Variants in SGCD observed in about 807,000 individuals in gnomAD.
The protein encoded by SGCD is sarcoglycan delta, also known as delta-sarcoglycan.
In SGCD, 18 loss-of-function variants were observed where a neutral mutation model predicts 36.6. The observed-to-expected ratio is 0.49, with a 90% CI of 0.34 to 0.73. The LOEUF is 0.73. Ranked by LOEUF, SGCD falls within the 30% of genes least tolerant of loss-of-function variation. The probability of loss-of-function intolerance (pLI) is 0.01; values close to 1 mark genes in which losing one functional copy is unlikely to be tolerated. For synonymous variants in SGCD, 133 were observed against 130.6 expected (o/e 1.02, Z -0.12); for missense variants, 387 against 346.7 (o/e 1.12, Z -0.92).
intron 3 of SGCD, among the ~76,000 whole-genome samples, chr5:156,264,607 A>G (rs1765955203): frequency 6.6e-6 from 1 of 152,140 alleles, no homozygotes; most frequent in African/African-American, 2.4e-5. Flanking sequence ...TACACTAATA[A>G]TACCCATGTA....
intron 3 of SGCD, among the ~76,000 whole-genome samples, chr5:156,214,383 A>G (rs925047299): frequency 2.0e-5 from 3 of 152,054 alleles, no homozygotes; most frequent in African/African-American, 7.2e-5. Context: ...AGAAATACTT[A>G]GGATAAAATT....
chr5:155,832,597 C>T, the SGCD span, among the ~76,000 whole-genome samples: 1 of 152,120 alleles, frequency 6.6e-6, no homozygotes, highest in Non-Finnish European at 1.5e-5. Context: ...GCTTACTTGT[C>T]ACCCTGTGTT....
the SGCD span, among the ~76,000 whole-genome samples, chr5:155,789,883 C>T: frequency 6.6e-6 from 1 of 152,046 alleles, no homozygotes; most frequent in Admixed American, 6.6e-5. Flanking sequence ...AGCTAGGTCC[C>T]TTATTTTTAA....
intron 3 of SGCD, among the ~76,000 whole-genome samples, chr5:156,172,282 T>TCAAAAA (rs980758426): frequency 3.9e-5 from 6 of 152,130 alleles, no homozygotes; most frequent in African/African-American, 9.6e-5. Flanking sequence ...AAACTCCATC[T>TCAAAAA]CAAAAACAAA....
chr5:155,747,986 T>C, the SGCD span, among the ~76,000 whole-genome samples: 1 of 152,226 alleles, frequency 6.6e-6, no homozygotes, highest in Non-Finnish European at 1.5e-5. Context: ...TTTGACCACC[T>C]TAAAATTATT....
At chr5:156,450,545 A>AAAAAGAAAAG (rs60594583) in intron 3 of SGCD, among the ~76,000 whole-genome samples, 1 of 149,434 alleles carries the variant, frequency 6.7e-6, no homozygotes, top group Non-Finnish European at 1.5e-5. Flanking sequence ...TTAAAAAAAA[A>AAAAAGAAAAG]AAAAGAAAAG....
At chr5:156,654,134 G>A (rs1174884504) in intron 7 of SGCD, among the ~76,000 whole-genome samples, 2 of 152,090 alleles carry the variant, frequency 1.3e-5, no homozygotes, top group East Asian at 3.9e-4. Flanking sequence ...AATATGTATA[G>A]CACAAGGGGA....
At chr5:155,904,391 A>G (rs557570851) in intron 1 of SGCD, among the ~76,000 whole-genome samples, 1 of 152,354 alleles carries the variant, frequency 6.6e-6, no homozygotes, top group South Asian at 2.1e-4. Context: ...CCATTTAAAC[A>G]TATATGATCC....
intron 3 of SGCD, among the ~76,000 whole-genome samples, chr5:156,491,166 A>G (rs1011733876): frequency 1.3e-5 from 2 of 152,154 alleles, no homozygotes; most frequent in African/African-American, 2.4e-5. Context: ...AAGAAAAACT[A>G]TAAAACACTG....
chr5:156,514,008 G>C (rs997206678), intron 4 of SGCD, among the ~76,000 whole-genome samples: 4 of 152,106 alleles, frequency 2.6e-5, no homozygotes, highest in Non-Finnish European at 5.9e-5. Flanking sequence ...TAAAGTTAAG[G>C]GATTTAATGC....
In SGCD at chr5:156,083,596, ATT is replaced by A. The variant is rs60479128; in HGVS notation, c.-281-34268_-281-34267del. Among the ~76,000 whole-genome samples, 783 of 135,354 alleles carry A rather than the reference ATT, an allele frequency of 5.8e-3. 6 individuals carry two copies. The highest frequency in any genetic ancestry group is 0.019 in the African/African-American group (740 of 38,218). 88.8% of individuals were successfully genotyped at this position (135,354 alleles called of 152,430 possible). ...AGGTATGAGCCACTGCACCCGGCCC[ATT>A]TTTTTTTTTTTTTCCTTTTATGGCT... On this transcript the variant is annotated intron_variant, in intron 1 of 9. Transcript: ENST00000517913.
intron 3 of SGCD, among the ~76,000 whole-genome samples, chr5:156,288,783 C>G (rs1354428760): frequency 6.6e-6 from 1 of 151,944 alleles, no homozygotes; most frequent in African/African-American, 2.4e-5. Flanking sequence ...TGTTTTGATT[C>G]TAACTGTAAG....
intron 1 of SGCD, among the ~76,000 whole-genome samples, chr5:156,085,233 G>A (rs114102084): frequency 0.021 from 3,120 of 152,068 alleles, 45 homozygotes; most frequent in Non-Finnish European, 0.034. Flanking sequence ...GGACTGATGC[G>A]GTTTCAATAT....
At chr5:156,283,183 G>T (rs1043233608) in intron 3 of SGCD, among the ~76,000 whole-genome samples, 1 of 152,128 alleles carries the variant, frequency 6.6e-6, no homozygotes, top group Non-Finnish European at 1.5e-5. Context: ...GGATGGGCAG[G>T]GTTTCTCCAT....
In SGCD at chr5:156,356,343, G is replaced by T. The variant is rs1387769969; in HGVS notation, c.192+11666G>T. The stretch of plus-strand genomic sequence containing the variant: ...TCCAGGTGTGTTTACTTACATGTGT[G>T]GGTGGTTGATGCTAGCTGTCAGCTG... On this transcript the variant is annotated intron_variant, in intron 3 of 8. Coordinates refer to ENST00000337851, the MANE Select transcript of SGCD (RefSeq NM_000337.6). Among the ~76,000 whole-genome samples, 3 of 152,148 alleles carry T rather than the reference G, an allele frequency of 2.0e-5. No individual in the cohort carries two copies. In the East Asian group the frequency reaches 5.8e-4, roughly 29 times the overall value.
At chr5:155,761,675 C>T in the SGCD span, among the ~76,000 whole-genome samples, 1 of 145,962 alleles carries the variant, frequency 6.9e-6, no homozygotes. Context: ...TCTCCATCAT[C>T]ATCTCCATCA....
At chr5:155,979,776 T>C in intron 1 of SGCD, among the ~76,000 whole-genome samples, 1 of 152,168 alleles carries the variant, frequency 6.6e-6, no homozygotes, top group East Asian at 1.9e-4. Flanking sequence ...GAATCCTTCA[T>C]TTCTGAAAGA....
rs965898003 is a variant in SGCD, at chr5:156,760,133, T to C, written c.*743T>C. 1 of 152,174 alleles carries C rather than the reference T, an allele frequency of 6.6e-6. No individual in the cohort carries two copies. Among genetic ancestry groups the C allele is most frequent in the African/African-American group, 2.4e-5 (1 of 41,430 alleles). 9.4% of individuals were successfully genotyped at this position (152,174 alleles called of 1,614,324 possible). ...TCTCCTACAGTCAAATTAGGAGCTG[T>C]AAATCAGCACAAAATAAGATAACAG... is the stretch of plus-strand genomic sequence containing the variant. On this transcript the variant is annotated 3_prime_UTR_variant, in exon 9 of 9. Coordinates refer to ENST00000337851, the MANE Select transcript of SGCD (RefSeq NM_000337.6).
At chr5:156,312,379 A>T (rs1767411134) in intron 3 of SGCD, among the ~76,000 whole-genome samples, 1 of 152,226 alleles carries the variant, frequency 6.6e-6, no homozygotes, top group Non-Finnish European at 1.5e-5. Context: ...TGATATACTT[A>T]GAAAAAGGTA....
Sources: gnomAD v4.1 joint callset for allele counts (sites outside exome capture counted in the v4.1 genomes callset) on GRCh38, gnomAD v4.1.1 for gene constraint, MANE v1.5 for transcripts, NCBI Gene and HGNC (gene_info 2026-07-23, HGNC 2026-07-21) for gene names.